The following DHX30 variants were observed in gnomAD, a reference collection of about 807,000 sequenced individuals.
DHX30 encodes the protein DExH-box helicase 30, also known as ATP-dependent RNA helicase DHX30.
Under a neutral mutation model 116.9 loss-of-function variants are expected in DHX30, and 4 were observed. The observed-to-expected ratio is 0.03, with a 90% CI of 0.02 to 0.08. DHX30 has a LOEUF of 0.08. Among genes scored for constraint, DHX30 ranks in the 10% least tolerant of loss-of-function variants. The probability of loss-of-function intolerance (pLI) is 1.00; values close to 1 mark genes in which losing one functional copy is unlikely to be tolerated. For synonymous variants in DHX30, 697 were observed against 651.7 expected, an observed-to-expected ratio of 1.07 and a Z score of -1.06; for missense variants, 871 against 1,595.1, an observed-to-expected ratio of 0.55 and a Z score of 7.73.
intron 6 of DHX30, 68 bp from the exon 7 acceptor site, chr3:47,840,809 G>T (rs2037338173): frequency 4.4e-6 from 7 of 1,597,312 alleles, no homozygotes; most frequent in Non-Finnish European, 6.0e-6. Flanking sequence ...GGTGTAGCTG[G>T]ACACGGACCA....
intron 2 of DHX30, among the ~76,000 whole-genome samples, chr3:47,807,129 C>G (rs146788196): frequency 2.6e-5 from 4 of 151,684 alleles, no homozygotes; most frequent in Non-Finnish European, 5.9e-5. Context: ...TCATTTGAAT[C>G]CGGGAGGTGG....
At chr3:47,830,390 G>A (rs2036787881) in intron 6 of DHX30, among the ~76,000 whole-genome samples, 1 of 151,636 alleles carries the variant, frequency 6.6e-6, no homozygotes, top group African/African-American at 2.4e-5. Flanking sequence ...GGAGGTTGCA[G>A]TGAGTCGAGA....
intron 4 of DHX30, 104 bp downstream of exon 4, chr3:47,818,221 G>T (rs2036145342): frequency 2.9e-6 from 2 of 692,834 alleles, no homozygotes; most frequent in African/African-American, 3.5e-5. Context: ...TCCAGAAAGT[G>T]AGTGAGGAAG....
At chr3:47,829,568 T>C (rs1295159233) in intron 6 of DHX30, among the ~76,000 whole-genome samples, 1 of 151,746 alleles carries the variant, frequency 6.6e-6, no homozygotes, top group Non-Finnish European at 1.5e-5. Flanking sequence ...GGTCTTGAAC[T>C]CCTGACCTCA....
At position 47,846,979 on chromosome 3, in the gene DHX30, TGCACCG is replaced by T. The variant is rs772302527; in HGVS notation, c.1919_1924del (p.Arg640_His641del). ...GCCAAGTTGGGCAAGCACCAGTACC[TGCACCG>T]GCACCGGCACCATGAGGTGAGGGAC... On this transcript the variant is annotated inframe_deletion, in exon 11 of 22. Coordinates refer to ENST00000445061, the MANE Select transcript of DHX30 (RefSeq NM_138615.3). 10 of 1,612,204 alleles carry T rather than the reference TGCACCG, an allele frequency of 6.2e-6. No homozygotes were observed. Among genetic ancestry groups the T allele is most frequent in the African/African-American group, 2.7e-5 (2 of 74,922 alleles).
chr3:47,848,011 G>A lies in DHX30; in HGVS notation c.2286+55G>A, dbSNP rs1163574284. The A allele has an allele frequency of 6.2e-7, 1 of 1,604,196 alleles. No individual in the cohort carries two copies. The highest frequency in any genetic ancestry group is 8.5e-7 in the Non-Finnish European group (1 of 1,173,032). ...CACTGGGGGAGGGACTCCGTTTTGA[G>A]GTGGTCCCCAGCCCAGATCTACCTT... On this transcript the variant is annotated intron_variant, in intron 14 of 21. Coordinates refer to ENST00000445061, the MANE Select transcript of DHX30 (RefSeq NM_138615.3). The surrounding 1 kb of genome is among the most constrained non-coding windows in gnomAD (Gnocchi z 9.4).
At chr3:47,840,753 A>G (rs1576507683) in intron 6 of DHX30, 124 bp from the exon 7 acceptor site, 39 of 1,194,222 alleles carry the variant, frequency 3.3e-5, no homozygotes, top group Non-Finnish European at 4.5e-5. Flanking sequence ...TAGGGGCTGA[A>G]GTGGGTAAAC....
At chr3:47,845,214 GTCTCGCTCTGTCGCCCAGGC>G (rs1222528540) in intron 9 of DHX30, among the ~76,000 whole-genome samples, 1 of 152,138 alleles carries the variant, frequency 6.6e-6, no homozygotes, top group African/African-American at 2.4e-5. Flanking sequence ...TTGAGACAGA[GTCTCGCTCTGTCGCCCAGGC>G]TGGAGTGCAC....
At chr3:47,807,963 T>C (rs2035608728) in intron 2 of DHX30, among the ~76,000 whole-genome samples, 1 of 152,004 alleles carries the variant, frequency 6.6e-6, no homozygotes, top group Non-Finnish European at 1.5e-5. Flanking sequence ...CAGCCTGCAG[T>C]GCAGTGGCGC....
At chr3:47,828,561 G>A (rs558367714) in intron 5 of DHX30, among the ~76,000 whole-genome samples, 1 of 151,954 alleles carries the variant, frequency 6.6e-6, no homozygotes, top group African/African-American at 2.4e-5. Flanking sequence ...CACAAGGTCA[G>A]GAGATCGAGA....
intron 2 of DHX30, 142 bp downstream of exon 2, chr3:47,805,562 A>G: frequency 5.2e-6 from 2 of 386,032 alleles, no homozygotes; most frequent in Non-Finnish European, 9.1e-6. Flanking sequence ...TTTTTGAGAC[A>G]GAGTCTCGCT....
At chr3:47,803,782 G>A (rs1010733633) in intron 1 of DHX30, among the ~76,000 whole-genome samples, 2 of 152,232 alleles carry the variant, frequency 1.3e-5, no homozygotes, top group Non-Finnish European at 2.9e-5. Context: ...AGCAGGGGAA[G>A]ACCAAATGCA....
At chr3:47,828,942 A>G (rs749651481) in intron 5 of DHX30, 82 bp from the exon 6 acceptor site, 11 of 800,490 alleles carry the variant, frequency 1.4e-5, no homozygotes, top group Admixed American at 1.3e-4. Flanking sequence ...TGTGAGGTCC[A>G]CCACTGTTTA....
chr3:47,837,346 T>C (rs2037169534), intron 6 of DHX30, among the ~76,000 whole-genome samples: 1 of 152,186 alleles, frequency 6.6e-6, no homozygotes, highest in Non-Finnish European at 1.5e-5. Flanking sequence ...CTAGTGGTAA[T>C]TGATAGAATG....
chr3:47,812,012 C>T (rs1279764098), intron 3 of DHX30, among the ~76,000 whole-genome samples: 1 of 139,630 alleles, frequency 7.2e-6, no homozygotes, highest in Non-Finnish European at 1.5e-5. Flanking sequence ...TGCAGTGAGC[C>T]GAGATTACAC....
intron 9 of DHX30, among the ~76,000 whole-genome samples, chr3:47,844,753 A>C (rs2037525839): frequency 6.6e-6 from 1 of 152,224 alleles, no homozygotes; most frequent in Non-Finnish European, 1.5e-5. Context: ...AGGTATTGGA[A>C]TGCTATGTTT....
intron 9 of DHX30, among the ~76,000 whole-genome samples, chr3:47,845,066 A>G (rs1002777561): frequency 6.6e-6 from 1 of 152,092 alleles, no homozygotes; most frequent in Non-Finnish European, 1.5e-5. Flanking sequence ...CAGAGGTGAC[A>G]GTGGCCTATT....
intron 4 of DHX30, among the ~76,000 whole-genome samples, chr3:47,823,115 G>C (rs1202092741): frequency 1.4e-5 from 2 of 147,782 alleles, no homozygotes; most frequent in Non-Finnish European, 3.0e-5. Context: ...AAAAAGAAAA[G>C]AAAGAAAAGA....
intron 4 of DHX30, chr3:47,819,236 G>C (rs2036191604): frequency 7.3e-7 from 1 of 1,367,824 alleles, no homozygotes; most frequent in Non-Finnish European, 9.8e-7. Flanking sequence ...ACTCGAAAAG[G>C]CTGAACGTTA....
Sources: gnomAD v4.1 joint callset for allele counts (sites outside exome capture counted in the v4.1 genomes callset) on GRCh38, gnomAD v4.1.1 for gene constraint, Gnocchi (gnomAD v3.1) non-coding constraint, MANE v1.5 for transcripts, NCBI Gene and HGNC (gene_info 2026-07-23, HGNC 2026-07-21) for gene names.